DDX42: variants seen among roughly 807,000 people sequenced by gnomAD.
DDX42 encodes DEAD-box helicase 42, also known as ATP-dependent RNA helicase DDX42.
Under a neutral mutation model 101.5 loss-of-function variants are expected in DDX42, and 22 were observed. The ratio of observed to expected loss-of-function variants is 0.22; its 90% CI spans 0.15 to 0.31. The LOEUF (loss-of-function observed/expected upper bound fraction) is 0.31, where lower values mean the gene tolerates loss of function less well. DDX42 is among the 10% of genes least tolerant of loss of function. DDX42 has a pLI of 1.00. For synonymous variants in DDX42, 402 were observed against 401.2 expected (o/e 1.00, Z -0.02); for missense variants, 849 against 1,199.9 (o/e 0.71, Z 4.32).
intron 15 of DDX42, among the ~76,000 whole-genome samples, chr17:63,815,273 C>T (rs1231641779): frequency 6.6e-6 from 1 of 152,138 alleles, no homozygotes; most frequent in Non-Finnish European, 1.5e-5. Flanking sequence ...CAAAGTTACT[C>T]CTCTGGGTTT....
intron 1 of DDX42, among the ~76,000 whole-genome samples, chr17:63,785,404 T>A: frequency 1.3e-5 from 2 of 151,852 alleles, no homozygotes; most frequent in East Asian, 3.9e-4. Flanking sequence ...AAGCCGAGAT[T>A]GGGCCACTGC....
intron 13 of DDX42, 34 bp downstream of exon 13, chr17:63,811,207 G>T: frequency 6.8e-7 from 1 of 1,477,886 alleles, no homozygotes; most frequent in Middle Eastern, 1.7e-4. Flanking sequence ...GGACCTTAAT[G>T]GGTTTATTTC....
chr17:63,782,022 T>TA (rs904781499), intron 1 of DDX42, among the ~76,000 whole-genome samples: 7 of 147,390 alleles, frequency 4.7e-5, no homozygotes, highest in Middle Eastern at 3.6e-3. Flanking sequence ...AAAATAAAAA[T>TA]AAAAAAAGAA....
At chr17:63,786,804 A>G (rs2039552685) in intron 1 of DDX42, among the ~76,000 whole-genome samples, 2 of 152,168 alleles carry the variant, frequency 1.3e-5, no homozygotes, top group Non-Finnish European at 2.9e-5. Context: ...CAGCCTCCCA[A>G]GTAGCTGGGA....
chr17:63,777,486 C>T (rs532450860), intron 1 of DDX42, among the ~76,000 whole-genome samples: 43 of 143,296 alleles, frequency 3.0e-4, no homozygotes, highest in African/African-American at 9.7e-4. Context: ...CTCACTCTGT[C>T]GCCCAGGCTG....
rs773099370 is a variant in DDX42 at position 63,812,233 on chromosome 17, A to G, written c.1675+25A>G. ...GGTAGAGTATGAATTTTTCAACAAC[A>G]TTAAGTTCCTAGGCTATAAGGGTAC... On this transcript the variant is annotated intron_variant, in intron 14 of 17. Transcript: ENST00000389924. 10 of 1,602,416 alleles carry G rather than the reference A, an allele frequency of 6.2e-6. No individual in the cohort carries two copies. The Admixed American group carries it at 1.0e-4, about 16-fold the overall frequency.
At position 63,800,571 on chromosome 17, in the gene DDX42, C is replaced by T; in HGVS notation, c.575C>T (p.Pro192Leu). The T allele has an allele frequency of 6.2e-7, 1 of 1,613,984 alleles. No homozygotes were observed. The highest frequency in any genetic ancestry group is 8.5e-7 in the Non-Finnish European group (1 of 1,179,942). ...GATAGTGACGGAAATCCAATTGCAC[C>T]TACCAAAAAAATCATTGATCCTCTT... is the stretch of plus-strand genomic sequence containing the variant. ...EYDSDGNPIA[P>L]TKKIIDPLPP... The change falls in exon 6 of 18, where the codon CCT (proline) becomes CTT (leucine). Residue 192 changes from proline (P) to leucine (L), a missense_variant. Coordinates refer to ENST00000389924, the MANE Select transcript of DDX42 (RefSeq NM_203499.3).
chr17:63,805,479 G>C (rs1046656769), intron 7 of DDX42: 4 of 236,542 alleles, frequency 1.7e-5, no homozygotes, highest in Non-Finnish European at 2.4e-5. Context: ...GAAACAAAAG[G>C]AATAGATGTT....
chr17:63,787,666 C>T (rs1010753698), intron 2 of DDX42, among the ~76,000 whole-genome samples: 1 of 151,998 alleles, frequency 6.6e-6, no homozygotes, highest in Non-Finnish European at 1.5e-5. Context: ...TGGTGAAACC[C>T]TGTCTACTAA....
At chr17:63,804,714 C>T (rs2039817288) in intron 6 of DDX42, among the ~76,000 whole-genome samples, 1 of 152,082 alleles carries the variant, frequency 6.6e-6, no homozygotes, top group Non-Finnish European at 1.5e-5. Flanking sequence ...GGCACAGTGG[C>T]TCATGCCTGT....
At chr17:63,777,613 A>G (rs2039437018) in intron 1 of DDX42, among the ~76,000 whole-genome samples, 1 of 151,860 alleles carries the variant, frequency 6.6e-6, no homozygotes, top group Non-Finnish European at 1.5e-5. Flanking sequence ...ACGCCTGGCT[A>G]ATTTTTTTGT....
intron 15 of DDX42, 151 bp downstream of exon 15, chr17:63,813,605 C>T: frequency 1.6e-6 from 1 of 626,946 alleles, no homozygotes; most frequent in Non-Finnish European, 2.7e-6. Context: ...TTGTGAGATA[C>T]TAAAATTCAT....
At chr17:63,776,382 C>G (rs1461696352) in intron 1 of DDX42, 1 of 152,362 alleles carries the variant, frequency 6.6e-6, no homozygotes, top group Admixed American at 6.5e-5. Context: ...GCTTCTGACT[C>G]TGTTATGACA....
rs1353604337 is a variant in DDX42 at position 63,807,465 on chromosome 17, C to T, written c.847-259C>T. On this transcript the variant is annotated intron_variant, in intron 8 of 17. Coordinates refer to ENST00000389924, the MANE Select transcript of DDX42 (RefSeq NM_203499.3). The stretch of plus-strand genomic sequence containing the variant: ...TGATTTTTCATTTCTGTATTTTAAA[C>T]AAAATGGAGTTGTTTCTGTTCTGTA... Among the ~76,000 whole-genome samples the T allele has an allele frequency of 2.0e-5, 3 of 152,138 alleles. No homozygotes were observed. In the East Asian group the frequency reaches 5.8e-4, roughly 29 times the overall value.
At position 63,774,379 on chromosome 17, in the gene DDX42, T is replaced by C; in HGVS notation, c.-17+3T>C. 1 of 230,144 alleles carries C rather than the reference T, an allele frequency of 4.3e-6. No individual in the cohort carries two copies. Among genetic ancestry groups the C allele is most frequent in the Admixed American group, 5.8e-5 (1 of 17,330 alleles). 14.3% of individuals were successfully genotyped at this position (230,144 alleles called of 1,614,324 possible). A position where few individuals can be genotyped will look rare whatever the true frequency, so the allele number is the denominator to read the frequency against. On this transcript the variant is annotated splice_donor_region_variant and intron_variant, in intron 1 of 17. Coordinates refer to ENST00000389924, the MANE Select transcript of DDX42 (RefSeq NM_203499.3). The stretch of plus-strand genomic sequence containing the variant: ...TGCCGCTGCAGCCATAGCAGCAGGT[T>C]TGTGCGTGGGGTTTCTGGACGCAAG...
At chr17:63,777,790 G>A (rs888428482) in intron 1 of DDX42, among the ~76,000 whole-genome samples, 5 of 152,124 alleles carry the variant, frequency 3.3e-5, no homozygotes, top group Non-Finnish European at 5.9e-5. Flanking sequence ...CATGTCTTTA[G>A]GAGTTGGTAT....
Position 63,816,846 on chromosome 17 carries a change from A to G in DDX42, c.2014-22A>G, listed in dbSNP as rs892929471. On this transcript the variant is annotated intron_variant, in intron 16 of 17. Coordinates refer to ENST00000389924, the MANE Select transcript of DDX42 (RefSeq NM_203499.3). Reference sequence around the variant, plus strand: ...CTTTCCTGCTTATTTTTTCATTCTCATAGATGTGTTTATTTTTTTAGGATC... The same window carrying G: ...CTTTCCTGCTTATTTTTTCATTCTCGTAGATGTGTTTATTTTTTTAGGATC... 3 of 1,597,386 alleles carry G rather than the reference A, an allele frequency of 1.9e-6. No homozygotes were observed. The African/African-American group carries it at 4.0e-5, about 22-fold the overall frequency.
chr17:63,792,358 T>C, intron 2 of DDX42, 54 bp from the exon 3 acceptor site: 1 of 1,568,082 alleles, frequency 6.4e-7, no homozygotes, highest in Non-Finnish European at 8.7e-7. Flanking sequence ...AAATGAAAGA[T>C]TTACTGACCC....
At chr17:63,807,682 G>T in intron 8 of DDX42, 42 bp from the exon 9 acceptor site, 1 of 1,570,176 alleles carries the variant, frequency 6.4e-7, no homozygotes, top group Non-Finnish European at 8.6e-7. Context: ...TACATCTTTA[G>T]AATTGAAATT....
Sources: allele counts gnomAD v4.1 joint callset (sites outside exome capture counted in the v4.1 genomes callset), GRCh38; gene constraint gnomAD v4.1.1; transcripts MANE v1.5; gene names NCBI Gene and HGNC (gene_info 2026-07-23, HGNC 2026-07-21).